The following FOXP1 variants were observed in gnomAD, a reference collection of about 807,000 sequenced individuals.
FOXP1 encodes the protein forkhead box protein P1.
In FOXP1, 15 loss-of-function variants were observed where a neutral mutation model predicts 98.2. The ratio of observed to expected loss-of-function variants is 0.15; its 90% confidence interval spans 0.10 to 0.24. FOXP1 has a LOEUF of 0.24. FOXP1 is among the 10% of genes least tolerant of loss of function. FOXP1 has a pLI of 1.00. For missense variants in FOXP1, 633 were observed against 848.5 expected, an observed-to-expected ratio of 0.75 and a Z score of 3.15; for synonymous variants, 371 against 314.5, an observed-to-expected ratio of 1.18 and a Z score of -1.90.
Position 71,000,879 on chromosome 3 carries a change from A to G in FOXP1, c.1062+93T>C, listed in dbSNP as rs571709882. The G allele has an allele frequency of 2.6e-5, 20 of 754,922 alleles. No homozygotes were observed. The South Asian group carries it at 2.9e-4, about 11-fold the overall frequency. 46.8% of individuals were successfully genotyped at this position (754,922 alleles called of 1,614,324 possible). On this transcript the variant is annotated intron_variant, in intron 13 of 20. Transcript: ENST00000649528. ...TGACAGGTTTTGGACCTTCCATTCA[A>G]TAATGAGTACACAGGAACTCATTAC...
intron 2 of FOXP1, among the ~76,000 whole-genome samples, chr3:71,505,364 G>A (rs557314745): frequency 2.0e-5 from 3 of 151,414 alleles, no homozygotes; most frequent in South Asian, 2.1e-4. Context: ...AGTTTATGAC[G>A]GCATATGAGG....
intron 7 of FOXP1, among the ~76,000 whole-genome samples, chr3:71,056,731 T>C (rs2050695678): frequency 6.6e-6 from 1 of 152,176 alleles, no homozygotes. Context: ...CCAACGTTTC[T>C]GTTCTAACAT....
chr3:71,141,129 G>T (rs955090699), intron 6 of FOXP1, among the ~76,000 whole-genome samples: 2 of 151,820 alleles, frequency 1.3e-5, no homozygotes, highest in Admixed American at 6.6e-5. Context: ...TTAGCCAGGC[G>T]TGGTGGCAGG....
intron 5 of FOXP1, among the ~76,000 whole-genome samples, chr3:71,205,466 GA>G (rs2063964801): frequency 6.6e-6 from 1 of 151,638 alleles, no homozygotes; most frequent in South Asian, 2.1e-4. Flanking sequence ...AGCCCCTCTG[GA>G]AAAAAAGTTC....
intron 6 of FOXP1, among the ~76,000 whole-genome samples, chr3:71,135,737 A>C (rs1210062153): frequency 1.3e-5 from 2 of 152,316 alleles, no homozygotes; most frequent in Admixed American, 1.3e-4. Context: ...GAGCCAGTGA[A>C]CCAGCTTAAG....
chr3:71,577,686 C>T (rs757274801), intron 2 of FOXP1, among the ~76,000 whole-genome samples: 8 of 151,856 alleles, frequency 5.3e-5, no homozygotes, highest in Admixed American at 1.3e-4. Flanking sequence ...CAAGAAAGAT[C>T]ATTAAAAAAA....
chr3:71,435,133 C>G (rs61224805), intron 3 of FOXP1, among the ~76,000 whole-genome samples: 93,717 of 139,716 alleles, frequency 0.67, 32,651 homozygotes, highest in Non-Finnish European at 0.76. Flanking sequence ...GGAAGGTGGA[C>G]GTTGAGGATG....
intron 13 of FOXP1, among the ~76,000 whole-genome samples, chr3:70,995,199 G>A (rs2041196735): frequency 6.6e-6 from 1 of 152,152 alleles, no homozygotes; most frequent in South Asian, 2.1e-4. Context: ...GGATTCATAT[G>A]AATTTAAATC....
At chr3:71,427,922 T>C (rs1014733833) in intron 3 of FOXP1, among the ~76,000 whole-genome samples, 1 of 152,112 alleles carries the variant, frequency 6.6e-6, no homozygotes, top group Non-Finnish European at 1.5e-5. Context: ...GGATTCTTTG[T>C]GAAAATATCT....
intron 5 of FOXP1, among the ~76,000 whole-genome samples, chr3:71,294,535 G>A (rs143205111): frequency 3.6e-4 from 54 of 151,988 alleles, no homozygotes; most frequent in Admixed American, 1.2e-3. Flanking sequence ...CTTCTTACAC[G>A]GTGCTATAAT....
At chr3:71,390,856 C>A (rs1011801486) in intron 3 of FOXP1, among the ~76,000 whole-genome samples, 2 of 152,174 alleles carry the variant, frequency 1.3e-5, no homozygotes, top group African/African-American at 2.4e-5. Flanking sequence ...GATGAGCCCC[C>A]CATCTGAGAC....
At chr3:71,538,142 T>C (rs1366980789) in intron 2 of FOXP1, among the ~76,000 whole-genome samples, 1 of 152,194 alleles carries the variant, frequency 6.6e-6, no homozygotes, top group Non-Finnish European at 1.5e-5. Context: ...AGTAAAGAAA[T>C]GCAGACAGAT....
At chr3:71,559,471 C>G (rs993761726) in intron 2 of FOXP1, among the ~76,000 whole-genome samples, 1 of 152,192 alleles carries the variant, frequency 6.6e-6, no homozygotes, top group Non-Finnish European at 1.5e-5. Context: ...ACCCGCTAAT[C>G]TAACTCCAGG....
chr3:71,111,210 C>G (rs58294838), intron 7 of FOXP1, among the ~76,000 whole-genome samples: 23,336 of 152,150 alleles, frequency 0.15, 2,701 homozygotes, highest in East Asian at 0.54. Flanking sequence ...TACCTATCAG[C>G]TACCGCTTAT....
At chr3:71,201,371 T>C (rs2063661819) in intron 5 of FOXP1, among the ~76,000 whole-genome samples, 1 of 152,170 alleles carries the variant, frequency 6.6e-6, no homozygotes, top group Non-Finnish European at 1.5e-5. Context: ...AAGAGCCGGG[T>C]GCAGTGGCTC....
At chr3:71,297,993 G>A (rs1346848643) in intron 5 of FOXP1, among the ~76,000 whole-genome samples, 1 of 152,192 alleles carries the variant, frequency 6.6e-6, no homozygotes, top group African/African-American at 2.4e-5. Context: ...TGCATGAGGA[G>A]CATCTTGGAT....
chr3:71,469,784 A>C (rs1406625133), intron 3 of FOXP1, among the ~76,000 whole-genome samples: 1 of 152,200 alleles, frequency 6.6e-6, no homozygotes, highest in Non-Finnish European at 1.5e-5. Flanking sequence ...CCGATTTTTC[A>C]CTGGAACTTT....
chr3:71,395,691 C>A (rs1295396291), intron 3 of FOXP1, among the ~76,000 whole-genome samples: 2 of 152,116 alleles, frequency 1.3e-5, no homozygotes, highest in African/African-American at 4.8e-5. Flanking sequence ...GTCTTGTTAA[C>A]AGTTATATTC....
At chr3:71,320,315 A>G (rs1392808246) in intron 4 of FOXP1, among the ~76,000 whole-genome samples, 2 of 151,928 alleles carry the variant, frequency 1.3e-5, no homozygotes, top group African/African-American at 4.8e-5. Flanking sequence ...GCTGTGCTGG[A>G]TGTTAGCCGC....
Sources: gnomAD v4.1 joint callset for allele counts (sites outside exome capture counted in the v4.1 genomes callset) on GRCh38, gnomAD v4.1.1 for gene constraint, MANE v1.5 for transcripts, NCBI Gene and HGNC (gene_info 2026-07-23, HGNC 2026-07-21) for gene names.